CCNY: variants seen among roughly 807,000 people sequenced by gnomAD.
CCNY encodes the protein cyclin Y.
Under a neutral mutation model 42.8 loss-of-function variants are expected in CCNY, and 19 were observed. The observed-to-expected ratio is 0.44, with a 90% CI of 0.31 to 0.65. CCNY has a LOEUF of 0.65. Ranked by LOEUF, CCNY falls within the 30% of genes least tolerant of loss-of-function variation. The probability of loss-of-function intolerance (pLI) is 0.07; values close to 1 mark genes in which losing one functional copy is unlikely to be tolerated. For synonymous variants in CCNY, 165 were observed against 162.7 expected (o/e 1.01, Z -0.11); for missense variants, 370 against 437.3 (o/e 0.85, Z 1.37).
At chr10:35,394,573 T>G (rs1837482855) in intron 1 of CCNY, among the ~76,000 whole-genome samples, 1 of 152,186 alleles carries the variant, frequency 6.6e-6, no homozygotes, top group Middle Eastern at 3.2e-3. Context: ...TTCAAGGCAT[T>G]GTTTGGACCG....
At chr10:35,309,448 A>G (rs1441893718) in intron 3 of CCNY, among the ~76,000 whole-genome samples, 3 of 152,074 alleles carry the variant, frequency 2.0e-5, no homozygotes, top group South Asian at 2.1e-4. Context: ...TTTCAGAGAC[A>G]GAATCTGGGT....
chr10:35,395,389 G>A (rs151242756), intron 1 of CCNY, among the ~76,000 whole-genome samples: 86 of 152,304 alleles, frequency 5.6e-4, no homozygotes, highest in African/African-American at 2.0e-3. Flanking sequence ...TGGGCCACTG[G>A]GAATTCAGAA....
intron 1 of CCNY, among the ~76,000 whole-genome samples, chr10:35,408,466 G>A (rs1226596557): frequency 1.3e-5 from 2 of 151,476 alleles, no homozygotes; most frequent in Non-Finnish European, 2.9e-5. Flanking sequence ...TAAGAGCAAT[G>A]TTTTGGGGGC....
At chr10:35,261,757 A>T (rs553380936) in intron 3 of CCNY, among the ~76,000 whole-genome samples, 84 of 152,142 alleles carry the variant, frequency 5.5e-4, no homozygotes, top group Middle Eastern at 3.4e-3. Flanking sequence ...ACAGTGGCTC[A>T]TGCCTGTAAT....
At chr10:35,259,854 T>A (rs1172631920) in intron 3 of CCNY, among the ~76,000 whole-genome samples, 2 of 151,004 alleles carry the variant, frequency 1.3e-5, no homozygotes, top group Non-Finnish European at 2.9e-5. Flanking sequence ...AAATGTGGGC[T>A]CTTCTTAAGG....
intron 2 of CCNY, among the ~76,000 whole-genome samples, chr10:35,249,766 G>GA (rs1398709460): frequency 6.6e-6 from 1 of 152,166 alleles, no homozygotes; most frequent in Non-Finnish European, 1.5e-5. Flanking sequence ...GATCTAAAGT[G>GA]AGACGGAGTG....
At chr10:35,332,281 C>T (rs113425801), upstream of CCNY, 1 of 152,184 alleles carries the variant, frequency 6.6e-6, no homozygotes, top group African/African-American at 2.4e-5. Context: ...ACAGATTTTC[C>T]TTTCCACAAA....
intron 1 of CCNY, among the ~76,000 whole-genome samples, chr10:35,451,254 A>G (rs1838909357): frequency 6.6e-6 from 1 of 152,200 alleles, no homozygotes; most frequent in Non-Finnish European, 1.5e-5. Flanking sequence ...ACAAGTTAAG[A>G]GTCAGAGAAG....
intron 1 of CCNY, among the ~76,000 whole-genome samples, chr10:35,381,286 G>A (rs928113680): frequency 3.3e-5 from 5 of 152,110 alleles, no homozygotes; most frequent in Non-Finnish European, 7.4e-5. Flanking sequence ...TAGGCCGAGC[G>A]CCATGGCTCA....
intron 3 of CCNY, among the ~76,000 whole-genome samples, chr10:35,266,279 T>C (rs1180179656): frequency 6.7e-6 from 1 of 149,654 alleles, no homozygotes; most frequent in Non-Finnish European, 1.5e-5. Context: ...TTTGTATTTT[T>C]AGTAGAGATG....
At chr10:35,533,252 GA>G (rs1317112214) in intron 7 of CCNY, among the ~76,000 whole-genome samples, 1 of 152,102 alleles carries the variant, frequency 6.6e-6, no homozygotes, top group Non-Finnish European at 1.5e-5. Flanking sequence ...TTCATCTGTA[GA>G]AAAATCAGTC....
intron 3 of CCNY, among the ~76,000 whole-genome samples, chr10:35,282,658 G>T (rs891827556): frequency 6.7e-6 from 1 of 150,272 alleles, no homozygotes; most frequent in African/African-American, 2.5e-5. Flanking sequence ...GGGAGGCAGA[G>T]GTTGCAGTGA....
chr10:35,476,813 CA>C (rs1291431989), intron 1 of CCNY, among the ~76,000 whole-genome samples: 1 of 151,816 alleles, frequency 6.6e-6, no homozygotes, highest in Admixed American at 6.6e-5. Context: ...AATAGAGACA[CA>C]AAAAACCCTT....
chr10:35,272,977 T>C (rs1475149729), intron 3 of CCNY, among the ~76,000 whole-genome samples: 1 of 151,978 alleles, frequency 6.6e-6, no homozygotes, highest in Non-Finnish European at 1.5e-5. Flanking sequence ...TGGTGTGAGA[T>C]GGTATGTCAC....
chr10:35,562,343 A>AT (rs1316488469), intron 8 of CCNY, among the ~76,000 whole-genome samples: 2 of 152,210 alleles, frequency 1.3e-5, no homozygotes, highest in Non-Finnish European at 2.9e-5. Flanking sequence ...GATTGTAGCC[A>AT]TTTTTAAGTA....
At chr10:35,455,992 C>A (rs1015749727) in intron 1 of CCNY, among the ~76,000 whole-genome samples, 3 of 151,852 alleles carry the variant, frequency 2.0e-5, no homozygotes, top group African/African-American at 7.3e-5. Flanking sequence ...CTTTATTTTT[C>A]TTTTATAGTG....
chr10:35,566,143 T>G lies in CCNY; in HGVS notation c.867T>G (p.Phe289Leu). Residue 289 changes from phenylalanine to leucine, a missense_variant, in exon 9 of 10, where the codon TTT becomes TTG. Physicochemically the swap from Phe to Leu is conservative, Grantham distance 22. Transcript: ENST00000374704. ...RSLAEANNLSFPLEPLSRERA... is the reference protein window; with the variant it reads ...RSLAEANNLSLPLEPLSRERA... ...TGGCAGAAGCGAACAACCTGAGCTT[T>G]CCCTTGGAGCCCCTGAGCAGGGAGA... 6.2e-7 allele frequency: 1 copy of G among 1,614,206 alleles called. No individual in the cohort carries two copies.
intron 1 of CCNY, among the ~76,000 whole-genome samples, chr10:35,348,677 G>C (rs1836360922): frequency 6.6e-6 from 1 of 152,224 alleles, no homozygotes; most frequent in Non-Finnish European, 1.5e-5. Context: ...AGGGCCCTGA[G>C]AGGTCAGCAG....
intron 7 of CCNY, among the ~76,000 whole-genome samples, chr10:35,542,940 C>T (rs1841034019): frequency 6.6e-6 from 1 of 152,180 alleles, no homozygotes; most frequent in Non-Finnish European, 1.5e-5. Flanking sequence ...CTAAGAGTTG[C>T]CATGCCTATG....
Sources: gnomAD v4.1 joint callset for allele counts (sites outside exome capture counted in the v4.1 genomes callset) on GRCh38, gnomAD v4.1.1 for gene constraint, MANE v1.5 for transcripts, NCBI Gene and HGNC (gene_info 2026-07-23, HGNC 2026-07-21) for gene names.